NPAS3: variants seen among roughly 807,000 people sequenced by gnomAD.
The protein encoded by NPAS3 is neuronal PAS domain protein 3.
NPAS3 carries 14 observed loss-of-function variants against 73.1 expected under a neutral mutation model. The observed-to-expected ratio is 0.19, with a 90% CI of 0.13 to 0.30. The LOEUF (loss-of-function observed/expected upper bound fraction) is 0.30, where lower values mean the gene tolerates loss of function less well. NPAS3 is among the 10% of genes least tolerant of loss of function. The pLI is 1.00. For missense variants in NPAS3, 1,096 were observed against 1,250.0 expected, an observed-to-expected ratio of 0.88 and a Z score of 1.86; for synonymous variants, 620 against 541.5, an observed-to-expected ratio of 1.14 and a Z score of -2.01.
chr14:33,487,491 G>C (rs1473021678), intron 4 of NPAS3, among the ~76,000 whole-genome samples: 1 of 152,150 alleles, frequency 6.6e-6, no homozygotes, highest in South Asian at 2.1e-4. Flanking sequence ...TTAGAAATGA[G>C]ATTTACAATA....
intron 2 of NPAS3, among the ~76,000 whole-genome samples, chr14:33,143,219 C>T (rs1422726734): frequency 6.6e-6 from 1 of 152,106 alleles, no homozygotes; most frequent in Non-Finnish European, 1.5e-5. Context: ...TGGCCGGCTG[C>T]GGTGGCTCAC....
At chr14:32,972,029 C>T (rs143655137) in intron 1 of NPAS3, among the ~76,000 whole-genome samples, 4,298 of 150,276 alleles carry the variant, frequency 0.029, 86 homozygotes, top group East Asian at 0.064. Flanking sequence ...AGCTCCACCT[C>T]CTGGGTTCAC....
chr14:33,152,433 T>C (rs1163958073), intron 2 of NPAS3, among the ~76,000 whole-genome samples: 3 of 152,182 alleles, frequency 2.0e-5, no homozygotes, highest in Non-Finnish European at 4.4e-5. Flanking sequence ...AGCTGGCCTC[T>C]GTAGGATGAC....
chr14:33,194,505 C>A (rs926727135), intron 2 of NPAS3, among the ~76,000 whole-genome samples: 1 of 152,130 alleles, frequency 6.6e-6, no homozygotes, highest in Non-Finnish European at 1.5e-5. Context: ...ATTAAAAATT[C>A]TCTACGTATT....
intron 6 of NPAS3, among the ~76,000 whole-genome samples, chr14:33,715,184 A>C (rs1338810485): frequency 1.3e-5 from 2 of 151,962 alleles, no homozygotes; most frequent in Non-Finnish European, 2.9e-5. Context: ...TGCATTAGTC[A>C]CCCTGGAACA....
At chr14:33,610,767 G>A (rs1010019634) in intron 5 of NPAS3, among the ~76,000 whole-genome samples, 2 of 152,196 alleles carry the variant, frequency 1.3e-5, no homozygotes, top group African/African-American at 4.8e-5. Flanking sequence ...TAGTGACTCT[G>A]AAGCTGAATA....
At chr14:33,134,051 CTT>C (rs1371342949) in intron 2 of NPAS3, among the ~76,000 whole-genome samples, 4 of 152,262 alleles carry the variant, frequency 2.6e-5, no homozygotes, top group East Asian at 3.9e-4. Flanking sequence ...GGATTCCTCT[CTT>C]TTGGAAATTC....
chr14:33,192,376 A>C (rs1428097621), intron 2 of NPAS3, among the ~76,000 whole-genome samples: 2 of 152,346 alleles, frequency 1.3e-5, no homozygotes, highest in South Asian at 2.1e-4. Flanking sequence ...GTTTTAAAAA[A>C]CAGCTGGTGT....
intron 4 of NPAS3, among the ~76,000 whole-genome samples, chr14:33,431,723 C>T: frequency 6.6e-6 from 1 of 152,008 alleles, no homozygotes; most frequent in Non-Finnish European, 1.5e-5. Context: ...GTAAGGTTGA[C>T]CTGAATGAAG....
chr14:33,626,197 C>T (rs76695938), intron 5 of NPAS3, among the ~76,000 whole-genome samples: 59 of 152,216 alleles, frequency 3.9e-4, no homozygotes, highest in African/African-American at 1.3e-3. Flanking sequence ...AAAATGAATA[C>T]GAATCTACAA....
intron 9 of NPAS3, among the ~76,000 whole-genome samples, chr14:33,787,724 C>A (rs991124988): frequency 6.6e-6 from 1 of 152,110 alleles, no homozygotes; most frequent in Non-Finnish European, 1.5e-5. Flanking sequence ...ATCCTATGAG[C>A]AGTTCTAAAT....
intron 6 of NPAS3, among the ~76,000 whole-genome samples, chr14:33,729,212 C>A (rs879826857): frequency 6.6e-6 from 1 of 152,070 alleles, no homozygotes; most frequent in Non-Finnish European, 1.5e-5. Context: ...AAAATATAGA[C>A]CCTACTTATA....
At chr14:33,342,487 C>T (rs1202698220) in intron 3 of NPAS3, among the ~76,000 whole-genome samples, 1 of 152,186 alleles carries the variant, frequency 6.6e-6, no homozygotes, top group Non-Finnish European at 1.5e-5. Flanking sequence ...TGTGAAGCTC[C>T]TCTGGCCCAG....
At chr14:33,751,811 C>T (rs2061971693) in intron 7 of NPAS3, among the ~76,000 whole-genome samples, 1 of 152,160 alleles carries the variant, frequency 6.6e-6, no homozygotes, top group South Asian at 2.1e-4. Context: ...TCTGAGTACC[C>T]AATCCCTTTG....
intron 2 of NPAS3, among the ~76,000 whole-genome samples, chr14:33,207,269 A>ACG (rs1365178371): frequency 5.4e-4 from 75 of 139,784 alleles, no homozygotes; most frequent in African/African-American, 2.0e-3. Flanking sequence ...ACACACACGC[A>ACG]CACACACACA....
chr14:33,586,228 C>T (rs1385420135), intron 5 of NPAS3, among the ~76,000 whole-genome samples: 1 of 123,620 alleles, frequency 8.1e-6, no homozygotes, highest in Non-Finnish European at 1.7e-5. Flanking sequence ...CTTTACTTTC[C>T]AAGCAATCAG....
chr14:33,488,111 A>T (rs2051703168), intron 4 of NPAS3, among the ~76,000 whole-genome samples: 1 of 152,094 alleles, frequency 6.6e-6, no homozygotes, highest in South Asian at 2.1e-4. Context: ...AGGTGGTGTC[A>T]CTTCTCTGGG....
chr14:33,121,643 A>C (rs933540507), intron 2 of NPAS3, among the ~76,000 whole-genome samples: 1 of 152,186 alleles, frequency 6.6e-6, no homozygotes, highest in Non-Finnish European at 1.5e-5. Context: ...TCTCTCTGAC[A>C]TAACTTTTTA....
At chr14:33,779,260 G>C (rs909078463) in intron 9 of NPAS3, among the ~76,000 whole-genome samples, 6 of 152,176 alleles carry the variant, frequency 3.9e-5, no homozygotes, top group Non-Finnish European at 8.8e-5. Context: ...AGCATCAGTG[G>C]TGTGGCTGGC....
Sources: gnomAD v4.1 joint callset for allele counts (sites outside exome capture counted in the v4.1 genomes callset) on GRCh38, gnomAD v4.1.1 for gene constraint, MANE v1.5 for transcripts, NCBI Gene and HGNC (gene_info 2026-07-23, HGNC 2026-07-21) for gene names.